The following PALM2AKAP2 variants were observed in gnomAD, a reference collection of about 807,000 sequenced individuals.
PALM2AKAP2 encodes PALM2 and AKAP2 fusion, also known as PALM2-AKAP2 fusion protein.
In PALM2AKAP2, 37 loss-of-function variants were observed where a neutral mutation model predicts 71.5. The observed-to-expected ratio is 0.52, with a 90% CI of 0.40 to 0.68. The LOEUF (loss-of-function observed/expected upper bound fraction) is 0.68. Among genes scored for constraint, PALM2AKAP2 ranks in the 30% least tolerant of loss-of-function variants. PALM2AKAP2 has a pLI of 0.00. For missense variants in PALM2AKAP2, 1,224 were observed against 1,191.8 expected, an observed-to-expected ratio of 1.03 and a Z score of -0.40; for synonymous variants, 468 against 478.8, an observed-to-expected ratio of 0.98 and a Z score of 0.29.
At chr9:109,731,536 T>C (rs940157964) in intron 1 of PALM2AKAP2, among the ~76,000 whole-genome samples, 2 of 152,208 alleles carry the variant, frequency 1.3e-5, no homozygotes, top group African/African-American at 2.4e-5. Context: ...TAAATTAAAA[T>C]ATGCTTTTCT....
rs190960667 is a variant in PALM2AKAP2 at position 109,864,166 on chromosome 9, A to G, written c.46-3325A>G. 4.6e-5 allele frequency among the ~76,000 whole-genome samples: 7 copies of G among 152,348 alleles called. No homozygotes were observed. In the East Asian group the frequency reaches 1.3e-3, roughly 29 times the overall value. Reference sequence around the variant, plus strand: ...TTGTCATGGGGCCAGGCCCAGGGTCATCAGTTAGAATGCAGTTGTAAACAT... The same window carrying G: ...TTGTCATGGGGCCAGGCCCAGGGTCGTCAGTTAGAATGCAGTTGTAAACAT... On this transcript the variant is annotated intron_variant, in intron 1 of 9. Transcript: ENST00000302798.
At chr9:110,024,711 G>A (rs966441218) in intron 7 of PALM2AKAP2, among the ~76,000 whole-genome samples, 3 of 151,818 alleles carry the variant, frequency 2.0e-5, no homozygotes, top group African/African-American at 7.3e-5. Flanking sequence ...CTGAGTCTAG[G>A]AGGTAGAGAG....
intron 7 of PALM2AKAP2, among the ~76,000 whole-genome samples, chr9:110,037,778 G>C (rs1315238082): frequency 6.6e-6 from 1 of 152,220 alleles, no homozygotes; most frequent in Non-Finnish European, 1.5e-5. Context: ...AGCAGGTTTT[G>C]AGAGGAAATT....
At chr9:109,802,244 A>T (rs1309271954) in intron 1 of PALM2AKAP2, among the ~76,000 whole-genome samples, 1 of 152,186 alleles carries the variant, frequency 6.6e-6, no homozygotes, top group African/African-American at 2.4e-5. Flanking sequence ...GATATTGGGT[A>T]TTGAGGTCAG....
chr9:109,949,465 C>T (rs548880839), intron 6 of PALM2AKAP2, among the ~76,000 whole-genome samples: 1 of 152,228 alleles, frequency 6.6e-6, no homozygotes, highest in South Asian at 2.1e-4. Context: ...GAATATTTTA[C>T]AGTTATGTAT....
At chr9:110,122,278 C>G (rs1034265689) in intron 1 of PALM2AKAP2, among the ~76,000 whole-genome samples, 3 of 152,202 alleles carry the variant, frequency 2.0e-5, no homozygotes, top group South Asian at 2.1e-4. Context: ...TCGATTCTCC[C>G]GCTTCAGCCT....
At chr9:110,159,605 GAT>G (rs1207749166) in intron 3 of PALM2AKAP2, among the ~76,000 whole-genome samples, 49 of 152,186 alleles carry the variant, frequency 3.2e-4, no homozygotes, top group African/African-American at 1.2e-3. Flanking sequence ...TATAAAGTGT[GAT>G]ATGTTAGACA....
intron 6 of PALM2AKAP2, among the ~76,000 whole-genome samples, chr9:109,960,112 C>T (rs1412605335): frequency 6.6e-6 from 1 of 152,100 alleles, no homozygotes; most frequent in Non-Finnish European, 1.5e-5. Flanking sequence ...ATTAAGGATC[C>T]CACCCTGGCC....
intron 1 of PALM2AKAP2, among the ~76,000 whole-genome samples, chr9:110,093,139 C>A (rs1042443848): frequency 9.2e-5 from 14 of 152,174 alleles, no homozygotes; most frequent in African/African-American, 3.4e-4. Context: ...GACGTTCAGG[C>A]CATGTAGCCA....
At position 110,084,296 on chromosome 9, in the gene PALM2AKAP2, A is replaced by T. The variant is rs1001260457; in HGVS notation, c.156+35441A>T. On this transcript the variant is annotated intron_variant, in intron 1 of 3. Transcript: ENST00000374525. ...GTAATGTTATGTTATTATAATACTG[A>T]TCTTCAAAAGTTTCCATATAATTAT... 5.3e-5 allele frequency among the ~76,000 whole-genome samples: 8 copies of T among 152,352 alleles called. No individual in the cohort carries two copies. In the East Asian group the frequency reaches 1.5e-3, roughly 29 times the overall value.
intron 5 of PALM2AKAP2, among the ~76,000 whole-genome samples, chr9:109,928,715 G>A (rs556881580): frequency 3.4e-3 from 501 of 146,222 alleles, no homozygotes; most frequent in African/African-American, 0.011. Flanking sequence ...TCTGTCACCC[G>A]GGCTGGAGTG....
chr9:110,109,373 A>G (rs562765033), intron 1 of PALM2AKAP2, among the ~76,000 whole-genome samples: 134 of 151,718 alleles, frequency 8.8e-4, no homozygotes, highest in African/African-American at 3.2e-3. Flanking sequence ...AAAAAAAAGA[A>G]AAACTTCAGA....
At chr9:109,875,725 A>G (rs1587978151) in intron 2 of PALM2AKAP2, among the ~76,000 whole-genome samples, 1 of 152,196 alleles carries the variant, frequency 6.6e-6, no homozygotes, top group East Asian at 1.9e-4. Context: ...CTGCATCTCC[A>G]TGGGTGGGTC....
intron 1 of PALM2AKAP2, among the ~76,000 whole-genome samples, chr9:109,738,646 G>T (rs1828673747): frequency 6.6e-6 from 1 of 152,188 alleles, no homozygotes; most frequent in African/African-American, 2.4e-5. Context: ...AGAAGAAAAA[G>T]GGAGTCAACA....
intron 1 of PALM2AKAP2, among the ~76,000 whole-genome samples, chr9:109,747,458 A>C (rs1828820129): frequency 6.6e-6 from 1 of 152,216 alleles, no homozygotes; most frequent in South Asian, 2.1e-4. Flanking sequence ...TTCATGCAGA[A>C]TTTGATATAA....
chr9:109,942,013 G>A (rs1408975901), intron 6 of PALM2AKAP2, among the ~76,000 whole-genome samples: 2 of 152,170 alleles, frequency 1.3e-5, no homozygotes, highest in African/African-American at 4.8e-5. Flanking sequence ...AGATGAAAGA[G>A]GCCTTCTGCG....
At chr9:109,885,794 G>T (rs1039690574) in intron 3 of PALM2AKAP2, among the ~76,000 whole-genome samples, 1 of 152,174 alleles carries the variant, frequency 6.6e-6, no homozygotes, top group African/African-American at 2.4e-5. Context: ...ATTTGAAGTG[G>T]ATTAGAAACA....
intron 1 of PALM2AKAP2, among the ~76,000 whole-genome samples, chr9:109,650,329 T>G (rs1440237495): frequency 7.9e-6 from 1 of 126,944 alleles, no homozygotes; most frequent in Non-Finnish European, 1.9e-5. Flanking sequence ...TTAATAAAAA[T>G]TATACTCTGT....
At chr9:109,640,965 A>T (rs1445155723) in intron 1 of PALM2AKAP2, 1 of 1,405,586 alleles carries the variant, frequency 7.1e-7, no homozygotes, top group Non-Finnish European at 9.3e-7. Flanking sequence ...CGCGTCCAGG[A>T]TGGGTGTTTA....
Sources: gnomAD v4.1 joint callset for allele counts (sites outside exome capture counted in the v4.1 genomes callset) on GRCh38, gnomAD v4.1.1 for gene constraint, MANE v1.5 for transcripts, NCBI Gene and HGNC (gene_info 2026-07-23, HGNC 2026-07-21) for gene names.